TNXB: variants seen among roughly 807,000 people sequenced by gnomAD.
TNXB encodes tenascin XB, also known as tenascin-X.
In TNXB, 183 loss-of-function variants were observed where a neutral mutation model predicts 340.5. The ratio of observed to expected loss-of-function variants is 0.54; its 90% CI spans 0.48 to 0.61. The LOEUF (loss-of-function observed/expected upper bound fraction) is 0.61, where lower values mean the gene tolerates loss of function less well. Ranked by LOEUF, TNXB falls within the 20% of genes least tolerant of loss-of-function variation. The probability of loss-of-function intolerance (pLI) is 0.00; values close to 1 mark genes in which losing one functional copy is unlikely to be tolerated. For synonymous variants in TNXB, 2,121 were observed against 2,314.5 expected (o/e 0.92, Z 2.40); for missense variants, 4,613 against 5,446.4 (o/e 0.85, Z 4.82).
At position 32,084,093 on chromosome 6, in the gene TNXB, A is replaced by G. The variant is rs1779628638; in HGVS notation, c.3445+320T>C. ...TCTAGGGGCCTTCGAATGAGGCCCA[A>G]GCCCCTCAGCACAGCACAGGAAGCC... On this transcript the variant is annotated intron_variant, in intron 8 of 43. Coordinates refer to ENST00000644971, the MANE Select transcript of TNXB (RefSeq NM_001365276.2). This position sits in a 1 kb window ranked among gnomAD's most constrained non-coding sequence, Gnocchi z 5.5. Among the ~76,000 whole-genome samples, 1 of 152,154 alleles carries G rather than the reference A, an allele frequency of 6.6e-6. No homozygotes were observed. The highest frequency in any genetic ancestry group is 1.5e-5 in the Non-Finnish European group (1 of 68,024).
In TNXB at chr6:32,069,953, C is replaced by T; in HGVS notation, c.5279-92G>A. On this transcript the variant is annotated intron_variant, in intron 14 of 43. Transcript: ENST00000644971. The surrounding 1 kb of genome is among the most constrained non-coding windows in gnomAD (Gnocchi z 6.2). ...AGGATTGAGAGGTCTGGAGACAGGGCTTTGCGTGGCTGAGTCCTGCCGGGC... is the reference window on the plus strand; with the variant it reads ...AGGATTGAGAGGTCTGGAGACAGGGTTTTGCGTGGCTGAGTCCTGCCGGGC... 2.8e-6 allele frequency: 4 copies of T among 1,404,532 alleles called. No homozygotes were observed. Among genetic ancestry groups the T allele is most frequent in the South Asian group, 1.5e-5 (1 of 68,150 alleles). 87.0% of individuals were successfully genotyped at this position (1,404,532 alleles called of 1,614,324 possible).
Position 32,061,752 on chromosome 6 carries a change from G to T in TNXB, c.7169-32C>A. On this transcript the variant is annotated intron_variant, in intron 20 of 43. Transcript: ENST00000644971. The surrounding 1 kb of genome is among the most constrained non-coding windows in gnomAD (Gnocchi z 4.4). ...AAAAGGGACACAGAGAGGATGGCAG[G>T]GTCCCTGGGGGATGTGCTTACGTCG... 1 of 1,600,074 alleles carries T rather than the reference G, an allele frequency of 6.2e-7. No individual in the cohort carries two copies. The highest frequency in any genetic ancestry group is 8.5e-7 in the Non-Finnish European group (1 of 1,171,122).
rs756667030 is a variant in TNXB, at chr6:32,053,461, G to A, written c.8718C>T (p.His2906=). The change falls in exon 25 of 44, where the codon CAC becomes CAT. Residue 2906 remains histidine, a synonymous_variant. Coordinates refer to ENST00000644971, the MANE Select transcript of TNXB (RefSeq NM_001365276.2). ...GVTISGLEPD[H]KYKMNLYGFH... is the part of the protein sequence containing the mutation. ...AGCCGTACAGGTTCATCTTGTACTT[G>A]TGGTCTGGCTCCAGGCCTGAGATGG... The A allele has an allele frequency of 1.9e-5, 30 of 1,613,182 alleles. No homozygotes were observed. In the Admixed American group the frequency reaches 2.3e-4, roughly 13 times the overall value.
chr6:32,096,690 C>A lies in TNXB; in HGVS notation c.1163G>T (p.Cys388Phe). The A allele has an allele frequency of 6.4e-7, 1 of 1,552,590 alleles. No individual in the cohort carries two copies. The highest frequency in any genetic ancestry group is 8.7e-7 in the Non-Finnish European group (1 of 1,152,020). ...RGRGRCEDGE[C>F]ICDTGYSGDD... Reference sequence around the variant, plus strand: ...CCCGCTGTAGCCCGTGTCGCAAATGCATTCGCCGTCCTCGCAGCGCCCGCG... The same window carrying A: ...CCCGCTGTAGCCCGTGTCGCAAATGAATTCGCCGTCCTCGCAGCGCCCGCG... The change falls in exon 3 of 44, where the codon TGC becomes TTC. Residue 388 changes from cysteine (C) to phenylalanine (F), a missense_variant. Physicochemically the swap from Cys to Phe is radical, Grantham distance 205. Around this residue, in one of 7 missense-constraint regions of TNXB, gnomAD observed 4,327 missense variants for 4,859.4 expected, o/e 0.89. Coordinates refer to ENST00000644971, the MANE Select transcript of TNXB (RefSeq NM_001365276.2).
Position 32,072,358 on chromosome 6 carries a change from T to G in TNXB, c.4682-60A>C, listed in dbSNP as rs1279939002. On this transcript the variant is annotated intron_variant, in intron 12 of 43. Coordinates refer to ENST00000644971, the MANE Select transcript of TNXB (RefSeq NM_001365276.2). The surrounding 1 kb of genome is among the most constrained non-coding windows in gnomAD (Gnocchi z 4.4). The stretch of plus-strand genomic sequence containing the variant: ...TCTCTGAGGGGAGAACCCCTGGGCT[T>G]TGAGGGCCTCAGGGGGGCTGTGAAC... The G allele has an allele frequency of 4.1e-6, 6 of 1,451,938 alleles. No homozygotes were observed. The highest frequency in any genetic ancestry group is 5.5e-6 in the Non-Finnish European group (6 of 1,083,470). The allele number at this position is 1,451,938 out of a possible 1,614,324, so 89.9% of individuals were successfully genotyped here.
Position 32,074,948 on chromosome 6 carries a change from G to A in TNXB, c.4376-996C>T, listed in dbSNP as rs1262420319. On this transcript the variant is annotated intron_variant, in intron 11 of 43. Coordinates refer to ENST00000644971, the MANE Select transcript of TNXB (RefSeq NM_001365276.2). The surrounding 1 kb of genome is among the most constrained non-coding windows in gnomAD (Gnocchi z 5.5). The stretch of plus-strand genomic sequence containing the variant: ...GCCCGCCTCGGCCTCCCCAAGTGCT[G>A]GGATTACAGGCATGATCCTCCACGC... Among the ~76,000 whole-genome samples the A allele has an allele frequency of 1.3e-5, 2 of 152,222 alleles. No individual in the cohort carries two copies. The highest frequency in any genetic ancestry group is 4.8e-5 in the African/African-American group (2 of 41,460).
chr6:32,052,156 A>G lies in TNXB; in HGVS notation c.9115+514T>C, dbSNP rs1697735860. 6.6e-6 allele frequency among the ~76,000 whole-genome samples: 1 copy of G among 152,238 alleles called. No homozygotes were observed. The highest frequency in any genetic ancestry group is 1.5e-5 in the Non-Finnish European group (1 of 68,048). On this transcript the variant is annotated intron_variant, in intron 26 of 43. Coordinates refer to ENST00000644971, the MANE Select transcript of TNXB (RefSeq NM_001365276.2). This position sits in a 1 kb window ranked among gnomAD's most constrained non-coding sequence, Gnocchi z 4.7. ...CATCAAGATAGATGAGAATCTTGTT[A>G]GAAATGGATGGTCGGCTGGGCGCCG...
Position 32,084,324 on chromosome 6 carries a change from TTCCC to T in TNXB, c.3445+85_3445+88del. ...CATGCACCACTGCCTCCAGGAAGCC[TTCCC>T]GGAGCTCCCAAAGCAGGTTCCCAAA... is the stretch of plus-strand genomic sequence containing the variant. On this transcript the variant is annotated intron_variant, in intron 8 of 43. Coordinates refer to ENST00000644971, the MANE Select transcript of TNXB (RefSeq NM_001365276.2). The surrounding 1 kb of genome is among the most constrained non-coding windows in gnomAD (Gnocchi z 5.5). 2 of 1,124,252 alleles carry T rather than the reference TTCCC, an allele frequency of 1.8e-6. No individual in the cohort carries two copies. The highest frequency in any genetic ancestry group is 1.8e-5 in the African/African-American group (1 of 55,182). 69.6% of individuals were successfully genotyped at this position (1,124,252 alleles called of 1,614,324 possible). A position where few individuals can be genotyped will look rare whatever the true frequency, so the allele number is the denominator to read the frequency against.
chr6:32,072,233 G>A lies in TNXB; in HGVS notation c.4747C>T (p.Leu1583=), dbSNP rs1304700771. 1.9e-6 allele frequency: 3 copies of A among 1,610,960 alleles called. No homozygotes were observed. The highest frequency in any genetic ancestry group is 1.1e-5 in the South Asian group (1 of 90,408). The change falls in exon 13 of 44, where the codon CTG becomes TTG. Residue 1583 remains leucine, a synonymous_variant. Transcript: ENST00000644971. This position sits in a 1 kb window ranked among gnomAD's most constrained non-coding sequence, Gnocchi z 4.4. ...TCAGGGGTTATATCCGTCACTGTCA[G>A]CTCCCCTAGGCGTGGCTCCAGGGGA... is the stretch of plus-strand genomic sequence containing the variant. ...KPPLEPRLGE[L]TVTDITPDSV...
chr6:32,060,401 G>C (rs1384765104), intron 21 of TNXB, among the ~76,000 whole-genome samples: 1 of 146,416 alleles, frequency 6.8e-6, no homozygotes, highest in Non-Finnish European at 1.5e-5. Context: ...CAGATGGAGT[G>C]TAAAGAAGGA....
rs767947459 is a variant in TNXB at position 32,073,716 on chromosome 6, A to C, written c.4612T>G (p.Tyr1538Asp). The change falls in exon 12 of 44, where the codon TAT becomes GAT. Residue 1538 changes from tyrosine to aspartate, a missense_variant. Around this residue, in one of 7 missense-constraint regions of TNXB, gnomAD observed 4,327 missense variants for 4,859.4 expected, o/e 0.89. Coordinates refer to ENST00000644971, the MANE Select transcript of TNXB (RefSeq NM_001365276.2). This position sits in a 1 kb window ranked among gnomAD's most constrained non-coding sequence, Gnocchi z 4.6. The stretch of plus-strand genomic sequence containing the variant: ...TGTAGTCCATACATGTTCATCTTAT[A>C]TTTTCTCTCAGGCTCCAGGTTGTAG... The part of the protein sequence containing the change: ...TVYNLEPERK[Y>D]KMNMYGLHDG... 2 of 1,611,272 alleles carry C rather than the reference A, an allele frequency of 1.2e-6. No individual in the cohort carries two copies. The highest frequency in any genetic ancestry group is 1.7e-6 in the Non-Finnish European group (2 of 1,179,324).
At position 32,067,663 on chromosome 6, in the gene TNXB, G is replaced by A. The variant is rs768556892; in HGVS notation, c.6542C>T (p.Thr2181Met). 29 of 1,612,786 alleles carry A rather than the reference G, an allele frequency of 1.8e-5. No individual in the cohort carries two copies. In the South Asian group the frequency reaches 2.4e-4, roughly 13 times the overall value. ...AGGGCTCTGCAGTGCACACTCACCCGTGACGCCCACAGCAGACACTGGGCC... is the reference window on the plus strand; with the variant it reads ...AGGGCTCTGCAGTGCACACTCACCCATGACGCCCACAGCAGACACTGGGCC... Reference protein sequence around the residue: ...RVGPVSAVGVTAPEEESPDAP... With the variant: ...RVGPVSAVGVMAPEEESPDAP... The change falls in exon 18 of 44, where the codon ACG (threonine) becomes ATG (methionine). Residue 2181 changes from threonine (T) to methionine (M), a missense_variant and splice_region_variant. Thr to Met is a moderately conservative substitution (Grantham distance 81). Coordinates refer to ENST00000644971, the MANE Select transcript of TNXB (RefSeq NM_001365276.2). This position sits in a 1 kb window ranked among gnomAD's most constrained non-coding sequence, Gnocchi z 4.2.
At chr6:32,059,114 C>T (rs977872497) in intron 21 of TNXB, among the ~76,000 whole-genome samples, 10 of 151,568 alleles carry the variant, frequency 6.6e-5, no homozygotes, top group Non-Finnish European at 1.2e-4. Flanking sequence ...ACTAGAAAAA[C>T]GTGGGCTAAA....
Position 32,047,679 on chromosome 6 carries a change from G to A in TNXB, c.10324+55C>T, listed in dbSNP as rs1051510542. 6.5e-6 allele frequency: 10 copies of A among 1,526,758 alleles called. No individual in the cohort carries two copies. The African/African-American group carries it at 8.2e-5, about 13-fold the overall frequency. The allele number at this position is 1,526,758 out of a possible 1,614,324, so 94.6% of individuals were successfully genotyped here. A position where few individuals can be genotyped will look rare whatever the true frequency, so the allele number is the denominator to read the frequency against. On this transcript the variant is annotated intron_variant, in intron 30 of 43. Coordinates refer to ENST00000644971, the MANE Select transcript of TNXB (RefSeq NM_001365276.2). The surrounding 1 kb of genome is among the most constrained non-coding windows in gnomAD (Gnocchi z 6.2). ...ACGGGAAGGCTGCAGGGCCAGCTCT[G>A]AGGGCTCGGATGAGAGGCAGCTCTG... is the stretch of plus-strand genomic sequence containing the variant.
chr6:32,062,175 A>T lies in TNXB; in HGVS notation c.7150T>A (p.Ser2384Thr), dbSNP rs770870386. 15 of 1,610,912 alleles carry T rather than the reference A, an allele frequency of 9.3e-6. No individual in the cohort carries two copies. In the East Asian group the frequency reaches 3.1e-4, roughly 34 times the overall value. Reference sequence around the variant, plus strand: ...CACTCACCTGTCACCCCGATGGCAGACACGGGGCCCACACGCTGGCCACCG... The same window carrying T: ...CACTCACCTGTCACCCCGATGGCAGTCACGGGGCCCACACGCTGGCCACCG... Reference protein sequence around the residue: ...FHGGQRVGPVSAIGVTAAEEE... With the variant: ...FHGGQRVGPVTAIGVTAAEEE... The change falls in exon 20 of 44, where the codon TCT (serine) becomes ACT (threonine). Residue 2384 changes from serine (S) to threonine (T), a missense_variant. Physicochemically the swap from Ser to Thr is moderately conservative, Grantham distance 58 (BLOSUM62 1). Coordinates refer to ENST00000644971, the MANE Select transcript of TNXB (RefSeq NM_001365276.2). The surrounding 1 kb of genome is among the most constrained non-coding windows in gnomAD (Gnocchi z 4.3).
Position 32,042,481 on chromosome 6 carries a change from T to C in TNXB, c.12184A>G (p.Met4062Val). Residue 4062 changes from methionine (M) to valine (V), a missense_variant, in exon 40 of 44, where the codon ATG becomes GTG. Coordinates refer to ENST00000644971, the MANE Select transcript of TNXB (RefSeq NM_001365276.2). ...RERPLNVFCDMETDGGGWLVF... is the reference protein window; with the variant it reads ...RERPLNVFCDVETDGGGWLVF... ...AGCCAGCCGCCCCCATCAGTCTCCA[T>C]GTCGCAAAACACGTTCAGGGGCCGC... The C allele has an allele frequency of 1.2e-6, 2 of 1,612,750 alleles. No individual in the cohort carries two copies. Among genetic ancestry groups the C allele is most frequent in the South Asian group, 1.1e-5 (1 of 91,032 alleles).
In TNXB at chr6:32,058,337, CCT is replaced by C; in HGVS notation, c.7544_7545del (p.Glu2515GlyfsTer21). ...ETPSPTEPGT[E>X]APGPPEEPLL... is the part of the protein sequence containing the mutation. ...AGAGGCTCCTCGGGGGGCCCTGGGG[CCT>C]CTGTGCCTGGTTCTGTAGGGCTGGG... On this transcript the variant is annotated frameshift_variant, in exon 22 of 44. Transcript: ENST00000644971. LOFTEE classifies it high-confidence loss of function. This position sits in a 1 kb window ranked among gnomAD's most constrained non-coding sequence, Gnocchi z 5.1. 6.2e-7 allele frequency: 1 copy of C among 1,611,712 alleles called. No homozygotes were observed. The highest frequency in any genetic ancestry group is 8.5e-7 in the Non-Finnish European group (1 of 1,179,628).
Position 32,051,788 on chromosome 6 carries a change from T to G in TNXB, c.9115+882A>C, listed in dbSNP as rs1391396740. Among the ~76,000 whole-genome samples the G allele has an allele frequency of 6.6e-6, 1 of 152,032 alleles. No homozygotes were observed. Among genetic ancestry groups the G allele is most frequent in the Non-Finnish European group, 1.5e-5 (1 of 68,002 alleles). The stretch of plus-strand genomic sequence containing the variant: ...ATTCTGACTGATGCTACGACATAGA[T>G]GAACCTTAAAGACATTGTATTTAAT... On this transcript the variant is annotated intron_variant, in intron 26 of 43. Coordinates refer to ENST00000644971, the MANE Select transcript of TNXB (RefSeq NM_001365276.2). This position sits in a 1 kb window ranked among gnomAD's most constrained non-coding sequence, Gnocchi z 4.7.
rs1472112221 is a variant in TNXB, at chr6:32,058,429, T to A, written c.7493-39A>T. On this transcript the variant is annotated intron_variant, in intron 21 of 43. Coordinates refer to ENST00000644971, the MANE Select transcript of TNXB (RefSeq NM_001365276.2). This position sits in a 1 kb window ranked among gnomAD's most constrained non-coding sequence, Gnocchi z 5.1. ...TAGGGGGATACAGAGTTTAAGGGTT[T>A]AAGGGCAACTTGCTTTGCTGGTGCT... 1 of 1,478,148 alleles carries A rather than the reference T, an allele frequency of 6.8e-7. No individual in the cohort carries two copies. The allele number at this position is 1,478,148 out of a possible 1,614,324, so 91.6% of individuals were successfully genotyped here.
Sources: allele counts gnomAD v4.1 joint callset (sites outside exome capture counted in the v4.1 genomes callset), GRCh38; gene constraint gnomAD v4.1.1; regional missense constraint gnomAD v4.1.1; non-coding constraint Gnocchi (gnomAD v3.1); transcripts MANE v1.5; gene names NCBI Gene and HGNC (gene_info 2026-07-23, HGNC 2026-07-21).